GHR: variants seen among roughly 807,000 people sequenced by gnomAD.
GHR encodes the protein GH receptor.
In GHR, 35 loss-of-function variants were observed where a neutral mutation model predicts 67.1. That is an observed-to-expected ratio of 0.52 (90% CI 0.40 to 0.69). GHR has a LOEUF of 0.69. Among genes scored for constraint, GHR ranks in the 30% least tolerant of loss-of-function variants. The pLI is 0.00. For missense variants in GHR, 792 were observed against 764.6 expected (o/e 1.04, Z -0.42); for synonymous variants, 272 against 269.1 (o/e 1.01, Z -0.10).
At chr5:42,458,690 A>G (rs1422290302) in intron 1 of GHR, among the ~76,000 whole-genome samples, 1 of 152,212 alleles carries the variant, frequency 6.6e-6, no homozygotes, top group Non-Finnish European at 1.5e-5. Context: ...AGAACTATCA[A>G]CAGAGTAAAC....
chr5:42,540,289 T>C (rs1748449176), intron 1 of GHR, among the ~76,000 whole-genome samples: 1 of 152,124 alleles, frequency 6.6e-6, no homozygotes, highest in Non-Finnish European at 1.5e-5. Flanking sequence ...ATTTGCTTTT[T>C]ATAGTTATTG....
chr5:42,482,274 G>C (rs1396514424), intron 1 of GHR, among the ~76,000 whole-genome samples: 3 of 152,120 alleles, frequency 2.0e-5, no homozygotes, highest in Non-Finnish European at 4.4e-5. Flanking sequence ...AGCCGTGTGA[G>C]GTGTCAGTCC....
chr5:42,676,071 G>A (rs1459407253), intron 3 of GHR, among the ~76,000 whole-genome samples: 2 of 152,168 alleles, frequency 1.3e-5, no homozygotes, highest in Non-Finnish European at 2.9e-5. Flanking sequence ...AAGATCATGA[G>A]GTCAGGAGAT....
At chr5:42,629,277 A>C (rs950723153) in intron 3 of GHR, among the ~76,000 whole-genome samples, 174 bp downstream of exon 3, 2 of 132,402 alleles carry the variant, frequency 1.5e-5, no homozygotes, top group Non-Finnish European at 3.2e-5. Flanking sequence ...AACTTCTGAT[A>C]TAGTTTGGAT....
chr5:42,538,067 C>G (rs192631601), intron 1 of GHR, among the ~76,000 whole-genome samples: 1 of 152,260 alleles, frequency 6.6e-6, no homozygotes. Context: ...TTAGGTGAGT[C>G]TCCTGAAGGC....
At chr5:42,428,449 A>G (rs1742948082) in intron 1 of GHR, among the ~76,000 whole-genome samples, 1 of 152,048 alleles carries the variant, frequency 6.6e-6, no homozygotes, top group African/African-American at 2.4e-5. Flanking sequence ...TTCTGGAGAC[A>G]TTTTCCCTAT....
At chr5:42,562,573 G>C (rs913342222) in intron 1 of GHR, among the ~76,000 whole-genome samples, 1 of 144,118 alleles carries the variant, frequency 6.9e-6, no homozygotes, top group Non-Finnish European at 1.5e-5. Context: ...GAGGATTCTT[G>C]TTTGTTTTTT....
chr5:42,579,083 ATAG>A (rs1750936264), intron 2 of GHR, among the ~76,000 whole-genome samples: 1 of 55,428 alleles, frequency 1.8e-5, no homozygotes, highest in Non-Finnish European at 4.0e-5. Context: ...CTATAGATAG[ATAG>A]ATAGATAGAT....
intron 1 of GHR, among the ~76,000 whole-genome samples, chr5:42,547,459 C>T (rs1464777003): frequency 2.0e-5 from 3 of 151,914 alleles, no homozygotes; most frequent in African/African-American, 7.3e-5. Context: ...TGGCAAAGCT[C>T]CAGAGCTAGA....
At chr5:42,467,323 C>T (rs1203369672) in intron 1 of GHR, 24 of 1,085,304 alleles carry the variant, frequency 2.2e-5, no homozygotes, top group Non-Finnish European at 3.1e-5. Flanking sequence ...AGTATGGCTT[C>T]GCTGATGTAC....
chr5:42,502,774 G>A (rs1282878828), intron 1 of GHR, among the ~76,000 whole-genome samples: 3 of 147,542 alleles, frequency 2.0e-5, no homozygotes, highest in African/African-American at 7.4e-5. Context: ...ATGTCTTTAT[G>A]TATATATATA....
chr5:42,680,875 T>G (rs1049538713), intron 3 of GHR, among the ~76,000 whole-genome samples: 15 of 152,116 alleles, frequency 9.9e-5, no homozygotes, highest in African/African-American at 3.4e-4. Flanking sequence ...TATACTTTGT[T>G]CTGGCATGCA....
chr5:42,610,024 G>A (rs1752814224), intron 2 of GHR, among the ~76,000 whole-genome samples: 1 of 152,110 alleles, frequency 6.6e-6, no homozygotes, highest in Admixed American at 6.5e-5. Context: ...GGTCTAGAAA[G>A]ACATGAAGCA....
At chr5:42,576,432 A>C (rs1464452705) in intron 2 of GHR, among the ~76,000 whole-genome samples, 1 of 152,190 alleles carries the variant, frequency 6.6e-6, no homozygotes, top group Non-Finnish European at 1.5e-5. Flanking sequence ...CTATACAATT[A>C]TTATATATAA....
intron 1 of GHR, among the ~76,000 whole-genome samples, chr5:42,536,384 A>G (rs1346945215): frequency 6.6e-6 from 1 of 152,058 alleles, no homozygotes; most frequent in African/African-American, 2.4e-5. Context: ...GGGATGCTGG[A>G]TTTTGTCAAA....
chr5:42,432,476 T>C (rs1362091941), intron 1 of GHR, among the ~76,000 whole-genome samples: 1 of 152,222 alleles, frequency 6.6e-6, no homozygotes, highest in East Asian at 1.9e-4. Flanking sequence ...CCTTTGTTCT[T>C]CGTCACTATG....
intron 6 of GHR, among the ~76,000 whole-genome samples, chr5:42,705,693 A>G (rs185644053): frequency 6.6e-6 from 1 of 152,204 alleles, no homozygotes; most frequent in East Asian, 1.9e-4. Flanking sequence ...GCTTAGCATA[A>G]TGGCCTCCAG....
intron 1 of GHR, chr5:42,548,233 G>A (rs1365034597): frequency 2.1e-6 from 2 of 974,682 alleles, no homozygotes; most frequent in Non-Finnish European, 2.4e-6. Flanking sequence ...GTGTGTGCAT[G>A]AGAGAGAGAG....
chr5:42,470,531 A>G (rs951329635), intron 1 of GHR, among the ~76,000 whole-genome samples: 1 of 152,182 alleles, frequency 6.6e-6, no homozygotes, highest in Non-Finnish European at 1.5e-5. Context: ...TGCTGTGTCC[A>G]ATGCTTGCTT....
Sources: allele counts gnomAD v4.1 joint callset (sites outside exome capture counted in the v4.1 genomes callset), GRCh38; gene constraint gnomAD v4.1.1; transcripts MANE v1.5; gene names NCBI Gene and HGNC (gene_info 2026-07-23, HGNC 2026-07-21).